The following MALRD1 variants were observed in gnomAD, a reference collection of about 807,000 sequenced individuals.
MALRD1 encodes the protein MAM and LDL receptor class A domain containing 1, also known as MAM and LDL-receptor class A domain-containing protein 1.
In MALRD1, 247 loss-of-function variants were observed where a neutral mutation model predicts 242.1. That is an observed-to-expected ratio of 1.02 (90% CI 0.92 to 1.13). MALRD1 has a LOEUF of 1.13. Ranked by LOEUF, MALRD1 falls within the 50% of genes most tolerant of loss-of-function variation. MALRD1 has a pLI of 0.00. For missense variants in MALRD1, 2,989 were observed against 2,533.1 expected, an observed-to-expected ratio of 1.18 and a Z score of -3.86; for synonymous variants, 995 against 866.6, an observed-to-expected ratio of 1.15 and a Z score of -2.60.
intron 28 of MALRD1, among the ~76,000 whole-genome samples, chr10:19,413,180 C>T (rs1314243395): frequency 6.6e-6 from 1 of 152,074 alleles, no homozygotes; most frequent in Non-Finnish European, 1.5e-5. Context: ...AACTGAGACT[C>T]AAAGATTTTC....
chr10:19,217,612 A>C (rs1427207556), intron 18 of MALRD1, among the ~76,000 whole-genome samples: 1 of 149,476 alleles, frequency 6.7e-6, no homozygotes, highest in Admixed American at 6.8e-5. Flanking sequence ...AGCTCACTGC[A>C]ACCTTCACCT....
intron 18 of MALRD1, among the ~76,000 whole-genome samples, chr10:19,214,777 A>G (rs911237828): frequency 1.3e-5 from 2 of 152,188 alleles, no homozygotes; most frequent in African/African-American, 4.8e-5. Context: ...AGAAGTCAGA[A>G]GGAGCCAAAT....
At chr10:19,602,196 CT>C (rs35846232) in intron 34 of MALRD1, among the ~76,000 whole-genome samples, 109 of 113,232 alleles carry the variant, frequency 9.6e-4, no homozygotes, top group South Asian at 1.3e-3. Context: ...GTAGCATAGT[CT>C]TTTTTTTTTT....
chr10:19,114,029 T>C (rs956293480), intron 5 of MALRD1, among the ~76,000 whole-genome samples: 2 of 152,204 alleles, frequency 1.3e-5, no homozygotes, highest in African/African-American at 4.8e-5. Context: ...AGATTTTGGA[T>C]TATTTCTTCT....
intron 29 of MALRD1, among the ~76,000 whole-genome samples, chr10:19,469,292 G>A (rs1007723635): frequency 5.9e-5 from 9 of 152,000 alleles, no homozygotes; most frequent in East Asian, 3.9e-4. Flanking sequence ...TGTTCTTGTC[G>A]AATTACATAC....
chr10:19,319,121 T>C (rs960586301), intron 21 of MALRD1, among the ~76,000 whole-genome samples: 2 of 152,098 alleles, frequency 1.3e-5, no homozygotes, highest in African/African-American at 4.8e-5. Flanking sequence ...ATCATATTGA[T>C]TTTTATGATA....
At chr10:19,320,354 G>A (rs1209404049) in intron 21 of MALRD1, among the ~76,000 whole-genome samples, 1 of 151,954 alleles carries the variant, frequency 6.6e-6, no homozygotes, top group Non-Finnish European at 1.5e-5. Context: ...CTTTGCTGAG[G>A]ATGATGGTTT....
chr10:19,458,419 G>A (rs747673803), intron 29 of MALRD1, among the ~76,000 whole-genome samples: 5 of 151,982 alleles, frequency 3.3e-5, no homozygotes, highest in Non-Finnish European at 7.4e-5. Context: ...TATCATATAT[G>A]GATACAAAGA....
chr10:19,247,571 A>T (rs113066653), intron 18 of MALRD1, among the ~76,000 whole-genome samples: 57 of 152,100 alleles, frequency 3.7e-4, no homozygotes, highest in Admixed American at 7.2e-4. Flanking sequence ...TGTGCACATT[A>T]TGTCACATTT....
chr10:19,101,249 CAT>C (rs34397417), intron 4 of MALRD1, among the ~76,000 whole-genome samples: 3 of 144,408 alleles, frequency 2.1e-5, no homozygotes, highest in Non-Finnish European at 4.5e-5. Context: ...ATTTGAAATA[CAT>C]ATATATATAT....
chr10:19,734,426 A>G lies in MALRD1; in HGVS notation c.*189A>G, dbSNP rs1479134757. 4.8e-6 allele frequency: 2 copies of G among 413,190 alleles called. No individual in the cohort carries two copies. Among genetic ancestry groups the G allele is most frequent in the Non-Finnish European group, 4.3e-6 (1 of 235,106 alleles). The allele number at this position is 413,190 out of a possible 1,614,324, so 25.6% of individuals were successfully genotyped here. A position where few individuals can be genotyped will look rare whatever the true frequency, so the allele number is the denominator to read the frequency against. The stretch of plus-strand genomic sequence containing the variant: ...ATGTTTATATGGAATCAGAATCAGT[A>G]CCTTATCTTCACTGAACATCTGAAT... On this transcript the variant is annotated 3_prime_UTR_variant, in exon 40 of 40. Coordinates refer to ENST00000454679, the MANE Select transcript of MALRD1 (RefSeq NM_001142308.3).
chr10:19,572,251 TATTTGTATTGCA>T (rs1324216457), intron 33 of MALRD1, among the ~76,000 whole-genome samples: 1 of 152,208 alleles, frequency 6.6e-6, no homozygotes, highest in Admixed American at 6.5e-5. Context: ...AGAGTGTGTT[TATTTGTATTGCA>T]TCTGTTTTCC....
intron 2 of MALRD1, among the ~76,000 whole-genome samples, chr10:19,076,095 A>G (rs1234038476): frequency 6.6e-6 from 1 of 151,894 alleles, no homozygotes; most frequent in Non-Finnish European, 1.5e-5. Context: ...CAGTTCCTCC[A>G]GTTTTTCATT....
rs1480950751 is a variant in MALRD1, at chr10:19,088,180, T to C, written c.592T>C (p.Phe198Leu). Residue 198 changes from phenylalanine to leucine, a missense_variant, in exon 4 of 40, where the codon TTT (phenylalanine) becomes CTT (leucine). Phe to Leu is a conservative substitution (Grantham distance 22). Transcript: ENST00000454679. ...NVIKIQSSQR[F>L]QVVFEGQMAS... is the part of the protein sequence containing the mutation. ...CATCAAAATCCAGAGTTCACAGAGATTTCAGGTATGTGTGTTCTATTTTCT... is the reference window on the plus strand; with the variant it reads ...CATCAAAATCCAGAGTTCACAGAGACTTCAGGTATGTGTGTTCTATTTTCT... The C allele has an allele frequency of 6.5e-6, 8 of 1,233,056 alleles. No homozygotes were observed. The highest frequency in any genetic ancestry group is 4.2e-5 in the Admixed American group (1 of 23,658). The allele number at this position is 1,233,056 out of a possible 1,614,324, so 76.4% of individuals were successfully genotyped here. A position where few individuals can be genotyped will look rare whatever the true frequency, so the allele number is the denominator to read the frequency against.
In MALRD1 at chr10:19,209,431, A is replaced by G. The variant is rs1270249050; in HGVS notation, c.2742A>G (p.Ile914Met). The G allele has an allele frequency of 1.3e-6, 2 of 1,550,992 alleles. No homozygotes were observed. Among genetic ancestry groups the G allele is most frequent in the South Asian group, 2.4e-5 (2 of 84,062 alleles). Residue 914 changes from isoleucine (I) to methionine (M), a missense_variant, in exon 18 of 40, where the codon ATA becomes ATG. Physicochemically the swap from Ile to Met is conservative, Grantham distance 10 (BLOSUM62 1). Coordinates refer to ENST00000454679, the MANE Select transcript of MALRD1 (RefSeq NM_001142308.3). ...CAGCTAAAGGACACTATCTCTACAT[A>G]GAATCTTCAGAGCCACAGGCTTTTC... ...LGTAKGHYLY[I>M]ESSEPQAFQD... is the part of the protein sequence containing the mutation.
intron 14 of MALRD1, among the ~76,000 whole-genome samples, chr10:19,195,301 C>T (rs1836187839): frequency 6.6e-6 from 1 of 152,126 alleles, no homozygotes; most frequent in Non-Finnish European, 1.5e-5. Flanking sequence ...ATGGCAAATT[C>T]CCTAGGTTTT....
intron 1 of MALRD1, among the ~76,000 whole-genome samples, chr10:19,057,906 A>C (rs1834714561): frequency 6.6e-6 from 1 of 152,210 alleles, no homozygotes; most frequent in Non-Finnish European, 1.5e-5. Flanking sequence ...GTTTATAATT[A>C]GAAAAGAATG....
chr10:19,053,177 C>G (rs1325455259), intron 1 of MALRD1, among the ~76,000 whole-genome samples: 1 of 152,186 alleles, frequency 6.6e-6, no homozygotes, highest in East Asian at 1.9e-4. Context: ...TCAGCCAGCT[C>G]TTGGAGTCTT....
chr10:19,185,832 TG>T (rs1835716150), intron 14 of MALRD1, among the ~76,000 whole-genome samples: 1 of 151,980 alleles, frequency 6.6e-6, no homozygotes, highest in African/African-American at 2.4e-5. Flanking sequence ...TGTGTGTGTG[TG>T]TGTGTGTGTG....
Sources: allele counts gnomAD v4.1 joint callset (sites outside exome capture counted in the v4.1 genomes callset), GRCh38; gene constraint gnomAD v4.1.1; transcripts MANE v1.5; gene names NCBI Gene and HGNC (gene_info 2026-07-23, HGNC 2026-07-21).